CAPS2: variants seen among roughly 807,000 people sequenced by gnomAD.
CAPS2 encodes the protein calcyphosine 2.
A neutral mutation model predicts 86.5 loss-of-function variants in CAPS2; 98 were observed. The observed-to-expected ratio is 1.13, with a 90% CI of 0.96 to 1.34. CAPS2 has a LOEUF of 1.34. CAPS2 is among the 40% of genes most tolerant of loss of function. CAPS2 has a pLI of 0.00. For missense variants in CAPS2, 729 were observed against 686.8 expected, an observed-to-expected ratio of 1.06 and a Z score of -0.69; for synonymous variants, 210 against 225.1, an observed-to-expected ratio of 0.93 and a Z score of 0.60.
intron 1 of CAPS2, chr12:75,343,822 T>A: frequency 6.2e-7 from 1 of 1,613,394 alleles, no homozygotes; most frequent in Non-Finnish European, 8.5e-7. Flanking sequence ...AAATATCTGG[T>A]TAGGTGGAAT....
chr12:75,277,530 G>T (rs1222544383), exon 17 of CAPS2: 2 of 926,314 alleles, frequency 2.2e-6, no homozygotes, highest in Non-Finnish European at 2.6e-6. Context: ...AAAAAATCAA[G>T]AAATAAAGAA....
intron 1 of CAPS2, among the ~76,000 whole-genome samples, chr12:75,353,113 A>C (rs1336112880): frequency 6.6e-6 from 1 of 152,140 alleles, no homozygotes; most frequent in African/African-American, 2.4e-5. Context: ...AACAAACCCC[A>C]AAGCTAGCAG....
intron 7 of CAPS2, among the ~76,000 whole-genome samples, chr12:75,308,528 G>C (rs2038775648): frequency 6.6e-6 from 1 of 151,840 alleles, no homozygotes; most frequent in Non-Finnish European, 1.5e-5. Flanking sequence ...TTTGTGTTTT[G>C]TCCAATTCTT....
At chr12:75,337,299 A>G (rs1028423585) in intron 1 of CAPS2, among the ~76,000 whole-genome samples, 1 of 151,814 alleles carries the variant, frequency 6.6e-6, no homozygotes, top group African/African-American at 2.4e-5. Context: ...AAAATCAATA[A>G]TATCAAAAGT....
chr12:75,321,985 G>C (rs1289473506), intron 4 of CAPS2, among the ~76,000 whole-genome samples: 2 of 151,990 alleles, frequency 1.3e-5, no homozygotes, highest in Non-Finnish European at 2.9e-5. Context: ...AGGATTGGTT[G>C]TCATTTCTAG....
At chr12:75,380,566 A>T (rs1311805721) in intron 1 of CAPS2, among the ~76,000 whole-genome samples, 1 of 152,220 alleles carries the variant, frequency 6.6e-6, no homozygotes, top group Non-Finnish European at 1.5e-5. Context: ...ATATAAAAAA[A>T]CATTTATTAA....
At chr12:75,321,618 G>T in intron 4 of CAPS2, 42 bp from the exon 5 acceptor site, 1 of 1,392,980 alleles carries the variant, frequency 7.2e-7, no homozygotes, top group Non-Finnish European at 9.9e-7. Flanking sequence ...GAAAAAAAAA[G>T]TATTAATTTT....
chr12:75,337,488 A>G (rs1284098335), intron 1 of CAPS2, among the ~76,000 whole-genome samples: 1 of 151,970 alleles, frequency 6.6e-6, no homozygotes, highest in Non-Finnish European at 1.5e-5. Flanking sequence ...ATTTTACAAC[A>G]TAAAGAAAAT....
At chr12:75,316,833 T>C (rs1284306530) in intron 5 of CAPS2, among the ~76,000 whole-genome samples, 2 of 152,168 alleles carry the variant, frequency 1.3e-5, no homozygotes, top group Non-Finnish European at 2.9e-5. Context: ...TCTACTCCAT[T>C]ATAAAATTAA....
chr12:75,317,792 CACAT>C (rs1334088513), intron 5 of CAPS2, among the ~76,000 whole-genome samples: 1 of 151,996 alleles, frequency 6.6e-6, no homozygotes, highest in East Asian at 1.9e-4. Context: ...TCCATCACCA[CACAT>C]AGTTACCATT....
At chr12:75,345,175 CATAACT>C (rs1319682848) in intron 1 of CAPS2, among the ~76,000 whole-genome samples, 3 of 152,200 alleles carry the variant, frequency 2.0e-5, no homozygotes, top group African/African-American at 7.2e-5. Flanking sequence ...ATCAGACTCT[CATAACT>C]ATGAGAGTGT....
At chr12:75,309,292 G>C (rs964236283) in intron 7 of CAPS2, among the ~76,000 whole-genome samples, 1 of 152,174 alleles carries the variant, frequency 6.6e-6, no homozygotes, top group African/African-American at 2.4e-5. Flanking sequence ...CACTCCAAGA[G>C]TGTAATATTT....
At chr12:75,280,874 G>A (rs1037129970) in intron 16 of CAPS2, among the ~76,000 whole-genome samples, 3 of 151,720 alleles carry the variant, frequency 2.0e-5, no homozygotes, top group East Asian at 3.9e-4. Flanking sequence ...TAATGATGAC[G>A]AGAAACCAAA....
intron 1 of CAPS2, chr12:75,371,545 C>G (rs889281336): frequency 7.6e-6 from 2 of 264,484 alleles, no homozygotes; most frequent in Non-Finnish European, 1.5e-5. Context: ...GAAAAATACA[C>G]ATCTCCTGAA....
At chr12:75,290,316 TA>T (rs1452725048) in intron 13 of CAPS2, among the ~76,000 whole-genome samples, 1 of 152,236 alleles carries the variant, frequency 6.6e-6, no homozygotes, top group Non-Finnish European at 1.5e-5. Flanking sequence ...CATAAGAGGT[TA>T]TTTGCTTAGA....
At chr12:75,324,272 A>G (rs2040566950) in intron 2 of CAPS2, among the ~76,000 whole-genome samples, 1 of 152,224 alleles carries the variant, frequency 6.6e-6, no homozygotes, top group Non-Finnish European at 1.5e-5. Flanking sequence ...GTTCAGCAAC[A>G]AAACAAAGAG....
intron 1 of CAPS2, chr12:75,370,298 A>G: frequency 1.7e-6 from 1 of 574,270 alleles, no homozygotes; most frequent in Non-Finnish European, 3.1e-6. Flanking sequence ...TGATACCTAA[A>G]TTTAATGTTT....
At chr12:75,364,856 A>C (rs981150687) in intron 1 of CAPS2, 39 of 152,274 alleles carry the variant, frequency 2.6e-4, no homozygotes, top group African/African-American at 8.9e-4. Flanking sequence ...CATAACTGGG[A>C]GTACCCAGGA....
chr12:75,371,010 T>C (rs2044322438), intron 1 of CAPS2: 1 of 152,216 alleles, frequency 6.6e-6, no homozygotes, highest in Non-Finnish European at 1.5e-5. Flanking sequence ...ATTAGGGCTC[T>C]CTAAAGGGAC....
Sources: allele counts gnomAD v4.1 joint callset (sites outside exome capture counted in the v4.1 genomes callset), GRCh38; gene constraint gnomAD v4.1.1; transcripts MANE v1.5; gene names NCBI Gene and HGNC (gene_info 2026-07-23, HGNC 2026-07-21).